The following MGST1 variants were observed in gnomAD, a reference collection of about 807,000 sequenced individuals.
The protein encoded by MGST1 is microsomal glutathione S-transferase 1.
Under a neutral mutation model 8.9 loss-of-function variants are expected in MGST1, and 5 were observed. That is an observed-to-expected ratio of 0.56 (90% CI 0.29 to 1.19). The LOEUF is 1.19. MGST1 is among the 50% of genes most tolerant of loss of function. The probability of loss-of-function intolerance (pLI) is 0.08; values close to 1 mark genes in which losing one functional copy is unlikely to be tolerated. For missense variants in MGST1, 182 were observed against 187.4 expected (o/e 0.97, Z 0.17); for synonymous variants, 54 against 67.8 (o/e 0.80, Z 1.00).
chr12:16,357,664 T>C lies in MGST1; in HGVS notation c.186T>C (p.Tyr62=). ...AFGKGENAKK[Y]LRTDDRVERV... ...GCAAAGGAGAAAATGCCAAGAAGTA[T>C]CTTCGAACAGATGACAGAGTAGAAC... is the stretch of plus-strand genomic sequence containing the variant. Residue 62 remains tyrosine, a synonymous_variant, in exon 3 of 4, where the codon TAT becomes TAC. Transcript: ENST00000396210. The C allele has an allele frequency of 6.2e-7, 1 of 1,614,024 alleles. No homozygotes were observed. The highest frequency in any genetic ancestry group is 8.5e-7 in the Non-Finnish European group (1 of 1,179,962).
chr12:16,542,935 T>C (rs1445082708), intron 4 of MGST1, among the ~76,000 whole-genome samples: 1 of 152,170 alleles, frequency 6.6e-6, no homozygotes, highest in African/African-American at 2.4e-5. Flanking sequence ...CCTCTGATGG[T>C]TCTTCAAGAC....
chr12:16,431,584 C>T (rs1157996644), intron 1 of MGST1, among the ~76,000 whole-genome samples: 2 of 152,002 alleles, frequency 1.3e-5, no homozygotes, highest in Non-Finnish European at 2.9e-5. Flanking sequence ...GCAATCAGAA[C>T]CCACAGTACA....
intron 4 of MGST1, among the ~76,000 whole-genome samples, chr12:16,456,332 C>T (rs1337662962): frequency 5.9e-5 from 9 of 151,642 alleles, no homozygotes. Context: ...TAGCCCCAAA[C>T]CATCATTTAT....
chr12:16,539,741 G>C (rs1941781807), intron 4 of MGST1, among the ~76,000 whole-genome samples: 1 of 152,146 alleles, frequency 6.6e-6, no homozygotes, highest in African/African-American at 2.4e-5. Context: ...CTCATCTTCT[G>C]TGTCAGTGGT....
chr12:16,456,593 C>T (rs949941164), intron 4 of MGST1, among the ~76,000 whole-genome samples: 17 of 151,836 alleles, frequency 1.1e-4, no homozygotes, highest in Non-Finnish European at 2.2e-4. Flanking sequence ...CTACAATAAA[C>T]GTCTTTTTCA....
At chr12:16,399,118 C>T (rs1016662715) in intron 1 of MGST1, among the ~76,000 whole-genome samples, 43 of 152,150 alleles carry the variant, frequency 2.8e-4, no homozygotes, top group African/African-American at 1.0e-3. Flanking sequence ...CTGGAATGCT[C>T]CGAGTAGATT....
At position 16,361,805 on chromosome 12, in the gene MGST1, A is replaced by C. The variant is rs1222661653; in HGVS notation, c.222-1990A>C. ...TTGAGAACATTTTGAGGGCTGACGA[A>C]AGAGAAAGAGAACTCAAAAGGGAGA... On this transcript the variant is annotated intron_variant, in intron 3 of 3. Coordinates refer to ENST00000396210, the MANE Select transcript of MGST1 (RefSeq NM_020300.5). The surrounding 1 kb of genome is among the most constrained non-coding windows in gnomAD (Gnocchi z 4.2). 1.3e-5 allele frequency among the ~76,000 whole-genome samples: 2 copies of C among 152,204 alleles called. No individual in the cohort carries two copies. The highest frequency in any genetic ancestry group is 4.8e-5 in the African/African-American group (2 of 41,448).
intron 1 of MGST1, among the ~76,000 whole-genome samples, chr12:16,397,969 CAT>C (rs901342346): frequency 8.6e-5 from 13 of 151,610 alleles, no homozygotes; most frequent in Non-Finnish European, 1.3e-4. Flanking sequence ...AATATCTTTA[CAT>C]GCTGAGTCTT....
At chr12:16,397,501 G>A (rs1940614932) in intron 1 of MGST1, among the ~76,000 whole-genome samples, 1 of 152,014 alleles carries the variant, frequency 6.6e-6, no homozygotes. Flanking sequence ...CACAGAGGGT[G>A]GGAGAAAACC....
rs1434323564 is a variant in MGST1, at chr12:16,401,142, A to G, written n.778+17538A>G. On this transcript the variant is annotated intron_variant and non_coding_transcript_variant, in intron 1 of 1. Transcript: ENST00000359720. The surrounding 1 kb of genome is among the most constrained non-coding windows in gnomAD (Gnocchi z 4.3). ...CTTCGTTCCTTAGGAAAATACCCAC[A>G]TTCTTCACTTTCTTCTTCACAGAAG... 4 of 1,566,810 alleles carry G rather than the reference A, an allele frequency of 2.6e-6. No homozygotes were observed. The highest frequency in any genetic ancestry group is 2.7e-5 in the African/African-American group (2 of 73,902).
chr12:16,370,666 C>T (rs532427114), intron 3 of MGST1, among the ~76,000 whole-genome samples: 1 of 152,228 alleles, frequency 6.6e-6, no homozygotes, highest in South Asian at 2.1e-4. Flanking sequence ...AGAATTGATT[C>T]TAATAATAGT....
At chr12:16,397,454 C>G (rs949319067) in intron 1 of MGST1, among the ~76,000 whole-genome samples, 4 of 152,100 alleles carry the variant, frequency 2.6e-5, no homozygotes, top group Admixed American at 2.6e-4. Context: ...AGAACTTCTG[C>G]ACAGCTAAAG....
At chr12:16,532,157 G>A (rs1941727358) in intron 4 of MGST1, among the ~76,000 whole-genome samples, 3 of 152,122 alleles carry the variant, frequency 2.0e-5, no homozygotes, top group Non-Finnish European at 2.9e-5. Context: ...CAGGTGTCGA[G>A]TGTCTTTCTC....
At chr12:16,523,852 A>G (rs1024822741) in intron 4 of MGST1, among the ~76,000 whole-genome samples, 2 of 152,072 alleles carry the variant, frequency 1.3e-5, no homozygotes, top group African/African-American at 4.8e-5. Flanking sequence ...CATTGTCAGC[A>G]TTGTTAGAAT....
At chr12:16,468,645 A>G (rs1941270810) in intron 4 of MGST1, among the ~76,000 whole-genome samples, 2 of 152,226 alleles carry the variant, frequency 1.3e-5, no homozygotes, top group South Asian at 4.1e-4. Flanking sequence ...TATATTTTAA[A>G]TCCCTGTTGG....
intron 1 of MGST1, among the ~76,000 whole-genome samples, chr12:16,421,868 A>T (rs1940839057): frequency 6.6e-6 from 1 of 152,154 alleles, no homozygotes; most frequent in South Asian, 2.1e-4. Flanking sequence ...CAGGGGTCCA[A>T]TGTAATTAGC....
At chr12:16,399,863 T>A in intron 1 of MGST1, 1 of 1,230,556 alleles carries the variant, frequency 8.1e-7, no homozygotes, top group Admixed American at 1.7e-5. Flanking sequence ...AATTACCATA[T>A]CAAAGTTCTT....
chr12:16,518,515 A>C (rs542751420), intron 4 of MGST1, among the ~76,000 whole-genome samples: 1 of 152,326 alleles, frequency 6.6e-6, no homozygotes, highest in Admixed American at 6.5e-5. Context: ...TTTTTAAAAA[A>C]AATGTTTTCC....
intron 4 of MGST1, among the ~76,000 whole-genome samples, chr12:16,504,916 C>G (rs1941527650): frequency 6.6e-6 from 1 of 152,088 alleles, no homozygotes; most frequent in African/African-American, 2.4e-5. Flanking sequence ...ACAAACAAAT[C>G]CCACCGAGGC....
Sources: gnomAD v4.1 joint callset for allele counts (sites outside exome capture counted in the v4.1 genomes callset) on GRCh38, gnomAD v4.1.1 for gene constraint, Gnocchi (gnomAD v3.1) non-coding constraint, MANE v1.5 for transcripts, NCBI Gene and HGNC (gene_info 2026-07-23, HGNC 2026-07-21) for gene names.